The following MTRR variants were observed in gnomAD, a reference collection of about 807,000 sequenced individuals.
MTRR encodes 5-methyltetrahydrofolate-homocysteine methyltransferase reductase.
A neutral mutation model predicts 79.2 loss-of-function variants in MTRR; 63 were observed. The ratio of observed to expected loss-of-function variants is 0.80; its 90% CI spans 0.65 to 0.98. The LOEUF is 0.98. Among genes scored for constraint, MTRR ranks in the 50% least tolerant of loss-of-function variants. The probability of loss-of-function intolerance (pLI) is 0.00; values close to 1 mark genes in which losing one functional copy is unlikely to be tolerated. For synonymous variants in MTRR, 355 were observed against 313.3 expected, an observed-to-expected ratio of 1.13 and a Z score of -1.41; for missense variants, 895 against 839.6, an observed-to-expected ratio of 1.07 and a Z score of -0.82.
At chr5:7,895,903 T>C (rs769630954) in intron 12 of MTRR, 51 bp downstream of exon 12, 4 of 1,611,100 alleles carry the variant, frequency 2.5e-6, no homozygotes, top group Middle Eastern at 1.7e-4. Context: ...GTAACCGTTT[T>C]TGTTTCTTTA....
At position 7,891,371 on chromosome 5, in the gene MTRR, GAAC is replaced by G. The variant is rs1317737721; in HGVS notation, c.1329_1331del (p.Glu443_His444delinsAsp). 6.5e-7 allele frequency: 1 copy of G among 1,528,588 alleles called. No individual in the cohort carries two copies. The highest frequency in any genetic ancestry group is 2.5e-5 in the East Asian group (1 of 40,668). 94.7% of individuals were successfully genotyped at this position (1,528,588 alleles called of 1,614,324 possible). On this transcript the variant is annotated inframe_deletion and splice_region_variant, in exon 10 of 15. Coordinates refer to ENST00000440940, the MANE Select transcript of MTRR (RefSeq NM_002454.3). ...AATTGCTTGTTTTTATTTTTTTCTA[GAAC>G]ATCTTCCTAAACTTCAACCCAGACC... is the stretch of plus-strand genomic sequence containing the variant.
intron 5 of MTRR, among the ~76,000 whole-genome samples, chr5:7,881,940 C>T (rs575216834): frequency 1.3e-5 from 2 of 152,346 alleles, no homozygotes; most frequent in Admixed American, 6.5e-5. Context: ...TCTGTCTGCT[C>T]TCTCACTGGT....
At chr5:7,894,302 G>A (rs764225940) in intron 11 of MTRR, among the ~76,000 whole-genome samples, 4 of 152,194 alleles carry the variant, frequency 2.6e-5, no homozygotes, top group Non-Finnish European at 4.4e-5. Flanking sequence ...CTACTATGGC[G>A]GATAGTACAG....
chr5:7,868,896 G>A, upstream of MTRR: 3 of 587,886 alleles, frequency 5.1e-6, no homozygotes, highest in South Asian at 5.7e-5. Context: ...CACGGGCCGG[G>A]CGGCGCAGCC....
Position 7,883,287 on chromosome 5 carries a change from A to G in MTRR, c.903+10A>G. ...AGAATTGGACATTTCAGTAAGTTGC[A>G]AAATTTATTTCTCAGCACAGTAATA... On this transcript the variant is annotated intron_variant, in intron 6 of 14. Coordinates refer to ENST00000440940, the MANE Select transcript of MTRR (RefSeq NM_002454.3). 6.2e-7 allele frequency: 1 copy of G among 1,614,150 alleles called. No homozygotes were observed. Among genetic ancestry groups the G allele is most frequent in the Non-Finnish European group, 8.5e-7 (1 of 1,180,002 alleles).
chr5:7,857,917 A>G (rs922674572), intron 1 of MTRR, among the ~76,000 whole-genome samples: 6 of 152,232 alleles, frequency 3.9e-5, no homozygotes, highest in Non-Finnish European at 8.8e-5. Flanking sequence ...CTTGCAATGG[A>G]TGAGATGGAC....
chr5:7,863,752 T>G (rs1412583976), intron 2 of MTRR, among the ~76,000 whole-genome samples: 1 of 152,232 alleles, frequency 6.6e-6, no homozygotes, highest in Non-Finnish European at 1.5e-5. Context: ...TGACAGATGC[T>G]AATAAATTCC....
chr5:7,865,178 C>T (rs1239818806), upstream of MTRR, among the ~76,000 whole-genome samples: 1 of 152,086 alleles, frequency 6.6e-6, no homozygotes, highest in Non-Finnish European at 1.5e-5. Flanking sequence ...GGCGTAGAAA[C>T]TGCTTTTAAT....
intron 4 of MTRR, among the ~76,000 whole-genome samples, chr5:7,876,157 G>A (rs191593088): frequency 1.3e-3 from 171 of 136,298 alleles, no homozygotes; most frequent in African/African-American, 4.5e-3. Context: ...CTTGCTTTTC[G>A]GCATACTGTA....
chr5:7,895,057 C>T (rs1389087215), intron 11 of MTRR, among the ~76,000 whole-genome samples: 1 of 152,180 alleles, frequency 6.6e-6, no homozygotes, highest in African/African-American at 2.4e-5. Context: ...ACAGTTACAC[C>T]ACCATGCAAG....
upstream of MTRR, among the ~76,000 whole-genome samples, chr5:7,865,054 C>T (rs144425666): frequency 6.8e-4 from 103 of 152,026 alleles, no homozygotes; most frequent in African/African-American, 2.3e-3. Context: ...GCACTGGCCT[C>T]GAGGGATGGC....
chr5:7,878,920 C>T (rs989167139), intron 5 of MTRR, among the ~76,000 whole-genome samples: 1 of 152,178 alleles, frequency 6.6e-6, no homozygotes, highest in African/African-American at 2.4e-5. Flanking sequence ...ATGGACTTTT[C>T]TTACAAAAAC....
chr5:7,877,154 T>A (rs1734697841), intron 4 of MTRR, among the ~76,000 whole-genome samples: 1 of 152,202 alleles, frequency 6.6e-6, no homozygotes, highest in Non-Finnish European at 1.5e-5. Flanking sequence ...GATCCTCCTT[T>A]GAGCTGTGAT....
intron 7 of MTRR, 97 bp from the exon 8 acceptor site, chr5:7,886,518 G>A: frequency 1.0e-6 from 1 of 971,624 alleles, no homozygotes. Context: ...TTGATGCGCT[G>A]TAAAGTACTA....
upstream of MTRR, chr5:7,866,610 CT>C (rs1746968929): frequency 1.3e-6 from 2 of 1,494,166 alleles, no homozygotes; most frequent in Non-Finnish European, 1.8e-6. Context: ...TCAAAGGTTA[CT>C]TTTTTCCAAC....
At chr5:7,862,848 C>G (rs776670447) in intron 2 of MTRR, 2 of 1,613,470 alleles carry the variant, frequency 1.2e-6, no homozygotes, top group East Asian at 2.2e-5. Flanking sequence ...AGGGTGTCAA[C>G]ACTTTTGGAG....
At position 7,891,431 on chromosome 5, in the gene MTRR, A is replaced by G. The variant is rs888551073; in HGVS notation, c.1370+17A>G. 15 of 1,593,116 alleles carry G rather than the reference A, an allele frequency of 9.4e-6. No individual in the cohort carries two copies. The highest frequency in any genetic ancestry group is 1.3e-5 in the Non-Finnish European group (15 of 1,161,588). On this transcript the variant is annotated intron_variant, in intron 10 of 14. Coordinates refer to ENST00000440940, the MANE Select transcript of MTRR (RefSeq NM_002454.3). ...GTGTGCAAGGTACTACTATTTATTC[A>G]CGTAATATATAGCATTGTTTCTCCA...
Position 7,869,215 on chromosome 5 carries a change from G to T in MTRR, c.-26G>T, listed in dbSNP as rs148267849. ...GTTCGTGCCCGGCTGGCGCGGCGTG[G>T]GTAAGCTGCCTGTCGGCTACGGTTC... On this transcript the variant is annotated splice_region_variant and 5_prime_UTR_variant, in exon 1 of 15. Coordinates refer to ENST00000440940, the MANE Select transcript of MTRR (RefSeq NM_002454.3). 115 of 1,606,432 alleles carry T rather than the reference G, an allele frequency of 7.2e-5. 1 individual carries two copies. In the East Asian group the frequency reaches 2.1e-3, roughly 30 times the overall value.
chr5:7,900,081 A>G lies in MTRR; in HGVS notation c.*23A>G, dbSNP rs767417160. On this transcript the variant is annotated 3_prime_UTR_variant, in exon 15 of 15. Transcript: ENST00000440940. The stretch of plus-strand genomic sequence containing the variant: ...TAAAACCAGAAATTAAAGAAAGAGG[A>G]TTAAGCTTTTTTGACTGAAAGTACT... 1 of 1,611,710 alleles carries G rather than the reference A, an allele frequency of 6.2e-7. No individual in the cohort carries two copies. The highest frequency in any genetic ancestry group is 1.1e-5 in the South Asian group (1 of 90,100).
Sources: allele counts gnomAD v4.1 joint callset (sites outside exome capture counted in the v4.1 genomes callset), GRCh38; gene constraint gnomAD v4.1.1; transcripts MANE v1.5; gene names NCBI Gene and HGNC (gene_info 2026-07-23, HGNC 2026-07-21).